The following SLC43A1 variants were observed in gnomAD, a reference collection of about 807,000 sequenced individuals.
SLC43A1 encodes large neutral amino acids transporter small subunit 3.
In SLC43A1, 31 loss-of-function variants were observed where a neutral mutation model predicts 59.5. The observed-to-expected ratio is 0.52, with a 90% CI of 0.39 to 0.70. The LOEUF is 0.70. Among genes scored for constraint, SLC43A1 ranks in the 30% least tolerant of loss-of-function variants. The pLI is 0.00. For missense variants in SLC43A1, 598 were observed against 717.8 expected (o/e 0.83, Z 1.91); for synonymous variants, 259 against 290.9 (o/e 0.89, Z 1.12).
chr11:57,498,301 C>T (rs549032827), intron 5 of SLC43A1, among the ~76,000 whole-genome samples: 2 of 152,190 alleles, frequency 1.3e-5, no homozygotes, highest in South Asian at 2.1e-4. Context: ...ATTAGCTAGG[C>T]ATGGTGGCAT....
At position 57,514,902 on chromosome 11, in the gene SLC43A1, T is replaced by C; in HGVS notation, c.-14+542A>G. On this transcript the variant is annotated intron_variant, in intron 1 of 14. Transcript: ENST00000278426. The surrounding 1 kb of genome is among the most constrained non-coding windows in gnomAD (Gnocchi z 5.5). ...GCTGCTGACTTTATAAGGGCAGCGG[T>C]GGCGGATGGGCTGGCGGGCGGGTGT... 1 of 981,752 alleles carries C rather than the reference T, an allele frequency of 1.0e-6. No individual in the cohort carries two copies. The highest frequency in any genetic ancestry group is 1.2e-6 in the Non-Finnish European group (1 of 826,988). The allele number at this position is 981,752 out of a possible 1,614,324, so 60.8% of individuals were successfully genotyped here.
chr11:57,487,366 C>T, intron 13 of SLC43A1, 148 bp from the exon 14 acceptor site: 1 of 1,008,338 alleles, frequency 9.9e-7, no homozygotes. Flanking sequence ...CTTTGGTCCC[C>T]AGCCTTGAGG....
intron 5 of SLC43A1, among the ~76,000 whole-genome samples, chr11:57,499,364 A>C (rs1163675365): frequency 1.3e-5 from 2 of 151,350 alleles, no homozygotes; most frequent in Non-Finnish European, 2.9e-5. Flanking sequence ...CATATAACTA[A>C]ATTATCCTTC....
chr11:57,491,997 G>C, intron 8 of SLC43A1, 135 bp from the exon 9 acceptor site: 2 of 852,024 alleles, frequency 2.3e-6, no homozygotes, highest in Non-Finnish European at 3.6e-6. Flanking sequence ...TCAAAGACGG[G>C]AAAGTTCAGA....
chr11:57,499,451 TG>T (rs894977673), intron 5 of SLC43A1: 1 of 152,220 alleles, frequency 6.6e-6, no homozygotes, highest in Non-Finnish European at 1.5e-5. Context: ...CCTGCATCCG[TG>T]AGGCACCACT....
In SLC43A1 at chr11:57,513,950, A is replaced by AAG; in HGVS notation, c.154+7_154+8insCT. The AAG allele has an allele frequency of 6.7e-7, 1 of 1,498,786 alleles. No homozygotes were observed. The highest frequency in any genetic ancestry group is 9.1e-7 in the Non-Finnish European group (1 of 1,101,128). The allele number at this position is 1,498,786 out of a possible 1,614,324, so 92.8% of individuals were successfully genotyped here. A position where few individuals can be genotyped will look rare whatever the true frequency, so the allele number is the denominator to read the frequency against. On this transcript the variant is annotated splice_region_variant and intron_variant, in intron 2 of 14. Transcript: ENST00000278426. ...CCCCCAGCCCACCCAGCCCATTTTC[A>AAG]GGCATACCTGGGCACGTGCTGGAAT...
chr11:57,484,857 C>T lies in SLC43A1; in HGVS notation c.*239G>A. On this transcript the variant is annotated 3_prime_UTR_variant, in exon 15 of 15. Transcript: ENST00000278426. ...TCCTCCAACCCAAGGAGGAAGAAGGCTCAACCCCTCTAGGATAGGGACTGT... is the reference window on the plus strand; with the variant it reads ...TCCTCCAACCCAAGGAGGAAGAAGGTTCAACCCCTCTAGGATAGGGACTGT... 2.4e-6 allele frequency: 1 copy of T among 415,390 alleles called. No homozygotes were observed. Among genetic ancestry groups the T allele is most frequent in the South Asian group, 3.8e-5 (1 of 26,564 alleles). 25.7% of individuals were successfully genotyped at this position (415,390 alleles called of 1,614,324 possible).
At chr11:57,500,665 G>A in intron 5 of SLC43A1, 114 bp downstream of exon 5, 1 of 861,386 alleles carries the variant, frequency 1.2e-6, no homozygotes, top group Non-Finnish European at 1.9e-6. Context: ...TTGATCTAGT[G>A]ATCTGCGTCC....
intron 5 of SLC43A1, among the ~76,000 whole-genome samples, chr11:57,498,709 G>C (rs528085215): frequency 6.6e-6 from 1 of 152,172 alleles, no homozygotes; most frequent in Non-Finnish European, 1.5e-5. Flanking sequence ...TGGGAGGTGA[G>C]GGTGGAAATA....
At chr11:57,490,350 A>G (rs1411811299) in intron 11 of SLC43A1, among the ~76,000 whole-genome samples, 1 of 151,578 alleles carries the variant, frequency 6.6e-6, no homozygotes, top group African/African-American at 2.4e-5. Context: ...TCTCCAGCCA[A>G]CAAGACAGCC....
chr11:57,504,106 A>G (rs1944337003), intron 2 of SLC43A1, among the ~76,000 whole-genome samples: 1 of 152,178 alleles, frequency 6.6e-6, no homozygotes. Context: ...CTGAGGCAGG[A>G]GAATGGCGTG....
At chr11:57,509,641 GGAAGGAA>G (rs1565142626) in intron 2 of SLC43A1, among the ~76,000 whole-genome samples, 136 of 134,198 alleles carry the variant, frequency 1.0e-3, no homozygotes, top group Middle Eastern at 3.7e-3. Flanking sequence ...AAGGAAGGAA[GGAAGGAA>G]GGAGGGAGGG....
chr11:57,512,813 C>T (rs886229268), intron 2 of SLC43A1, among the ~76,000 whole-genome samples: 6 of 152,132 alleles, frequency 3.9e-5, no homozygotes, highest in Non-Finnish European at 5.9e-5. Context: ...ATGGGAGAGT[C>T]GCCATCTCTC....
At chr11:57,488,297 T>G (rs1943801007) in intron 13 of SLC43A1, among the ~76,000 whole-genome samples, 1 of 151,946 alleles carries the variant, frequency 6.6e-6, no homozygotes, top group Admixed American at 6.6e-5. Context: ...GGAGTGAACA[T>G]GGAGTGTGAG....
intron 5 of SLC43A1, among the ~76,000 whole-genome samples, chr11:57,500,299 C>T (rs376582915): frequency 6.6e-6 from 1 of 152,340 alleles, no homozygotes; most frequent in South Asian, 2.1e-4. Flanking sequence ...CACTCTCCCA[C>T]GACATGGCAA....
rs76160993 is a variant in SLC43A1, at chr11:57,498,511, T to C, written c.466-666A>G. Among the ~76,000 whole-genome samples, 335 of 152,228 alleles carry C rather than the reference T, an allele frequency of 2.2e-3. 4 individuals carry two copies. Among genetic ancestry groups the C allele is most frequent in the African/African-American group, 7.6e-3 (317 of 41,556 alleles). Reference sequence around the variant, plus strand: ...GTCCAACCCATTTGAGATGAGACAATTGAGACCCAGGGAGGAAAAGTGTAC... The same window carrying C: ...GTCCAACCCATTTGAGATGAGACAACTGAGACCCAGGGAGGAAAAGTGTAC... On this transcript the variant is annotated intron_variant, in intron 5 of 14. Transcript: ENST00000278426.
intron 14 of SLC43A1, among the ~76,000 whole-genome samples, chr11:57,485,841 A>G (rs765007982): frequency 3.9e-5 from 6 of 152,268 alleles, no homozygotes; most frequent in Non-Finnish European, 7.3e-5. Flanking sequence ...AGTATGCATC[A>G]TGCTTAGCAC....
intron 2 of SLC43A1, among the ~76,000 whole-genome samples, chr11:57,504,004 T>C (rs1267592451): frequency 6.6e-6 from 1 of 151,858 alleles, no homozygotes; most frequent in Non-Finnish European, 1.5e-5. Flanking sequence ...CCATCCTGGC[T>C]AACACGGTGA....
intron 7 of SLC43A1, among the ~76,000 whole-genome samples, 160 bp downstream of exon 7, chr11:57,495,871 C>A (rs1405361967): frequency 6.6e-6 from 1 of 152,106 alleles, no homozygotes; most frequent in Non-Finnish European, 1.5e-5. Flanking sequence ...TAGGAACAGG[C>A]TCATAGTACA....
Sources: gnomAD v4.1 joint callset for allele counts (sites outside exome capture counted in the v4.1 genomes callset) on GRCh38, gnomAD v4.1.1 for gene constraint, Gnocchi (gnomAD v3.1) non-coding constraint, MANE v1.5 for transcripts, NCBI Gene and HGNC (gene_info 2026-07-23, HGNC 2026-07-21) for gene names.